The following NOL9 variants were observed in gnomAD, a reference collection of about 807,000 sequenced individuals.
NOL9 encodes nucleolar protein 9, also known as polynucleotide 5'-hydroxyl-kinase NOL9.
Under a neutral mutation model 67.9 loss-of-function variants are expected in NOL9, and 28 were observed. The ratio of observed to expected loss-of-function variants is 0.41; its 90% CI spans 0.31 to 0.57. The LOEUF is 0.57. NOL9 is among the 20% of genes least tolerant of loss of function. The pLI is 0.25. For missense variants in NOL9, 777 were observed against 897.0 expected, an observed-to-expected ratio of 0.87 and a Z score of 1.71; for synonymous variants, 356 against 352.2, an observed-to-expected ratio of 1.01 and a Z score of -0.12.
At chr1:6,538,577 C>T (rs1046792141) in intron 6 of NOL9, among the ~76,000 whole-genome samples, 1 of 152,052 alleles carries the variant, frequency 6.6e-6, no homozygotes, top group Non-Finnish European at 1.5e-5. Context: ...GAGGCTGAGG[C>T]AGGAGAATCA....
Position 6,538,849 on chromosome 1 carries a change from G to A in NOL9, c.1075+2981C>T, listed in dbSNP as rs369649814. ...AATACAAAAATTAGCCAGGCGTGGT[G>A]TAGTTCCAGCTACTTGGGAGGCTGA... On this transcript the variant is annotated intron_variant, in intron 6 of 11. Transcript: ENST00000377705. 3.7e-4 allele frequency among the ~76,000 whole-genome samples: 56 copies of A among 151,512 alleles called. No individual in the cohort carries two copies. In the East Asian group the frequency reaches 9.4e-3, roughly 25 times the overall value.
chr1:6,535,652 C>T (rs1036147641), intron 6 of NOL9, among the ~76,000 whole-genome samples: 12 of 152,204 alleles, frequency 7.9e-5, no homozygotes, highest in Non-Finnish European at 1.3e-4. Flanking sequence ...GTCAGCTGGG[C>T]ATGGTGGCTT....
intron 6 of NOL9, among the ~76,000 whole-genome samples, chr1:6,537,467 A>G (rs1043091459): frequency 6.6e-6 from 1 of 152,238 alleles, no homozygotes; most frequent in Non-Finnish European, 1.5e-5. Flanking sequence ...TCTGTAAATC[A>G]TCCATCTGAT....
chr1:6,552,191 C>T (rs1490903311), intron 1 of NOL9, among the ~76,000 whole-genome samples: 1 of 152,138 alleles, frequency 6.6e-6, no homozygotes, highest in African/African-American at 2.4e-5. Context: ...GGGCTTAATA[C>T]ATAGGTGATG....
chr1:6,535,948 G>A (rs10864614), intron 6 of NOL9, among the ~76,000 whole-genome samples: 120,916 of 149,786 alleles, frequency 0.81, 49,680 homozygotes, highest in Non-Finnish European at 0.87. Context: ...AAAAAAGTTG[G>A]AGGTATCACA....
At chr1:6,541,775 T>A (rs1639297167) in intron 6 of NOL9, 55 bp downstream of exon 6, 1 of 1,075,078 alleles carries the variant, frequency 9.3e-7, no homozygotes, top group East Asian at 2.5e-5. Flanking sequence ...TTTGTTAGCA[T>A]CATCACATAT....
chr1:6,533,481 G>A (rs1163117145), intron 6 of NOL9, 40 bp from the exon 7 acceptor site: 1 of 1,481,596 alleles, frequency 6.7e-7, no homozygotes, highest in Admixed American at 2.0e-5. Flanking sequence ...AGTAAGGTGA[G>A]TGATCAATCC....
Position 6,525,816 on chromosome 1 carries a change from T to A in NOL9, c.*38A>T. 6.2e-7 allele frequency: 1 copy of A among 1,610,598 alleles called. No homozygotes were observed. The highest frequency in any genetic ancestry group is 8.5e-7 in the Non-Finnish European group (1 of 1,177,374). On this transcript the variant is annotated 3_prime_UTR_variant, in exon 12 of 12. Transcript: ENST00000377705. The stretch of plus-strand genomic sequence containing the variant: ...TGGTCAGGCTTGAGACAAAGCTTTC[T>A]GGTAGGAAAGTTTCTTCCCTTATTA...
intron 6 of NOL9, among the ~76,000 whole-genome samples, chr1:6,534,192 C>A (rs1166757900): frequency 6.6e-6 from 1 of 152,176 alleles, no homozygotes. Flanking sequence ...CAGCCAAGAG[C>A]CTCTAATTTT....
At chr1:6,549,988 C>A (rs1639507694) in intron 2 of NOL9, among the ~76,000 whole-genome samples, 1 of 152,136 alleles carries the variant, frequency 6.6e-6, no homozygotes, top group South Asian at 2.1e-4. Flanking sequence ...TATATAGATA[C>A]CACAACGTCC....
intron 6 of NOL9, among the ~76,000 whole-genome samples, chr1:6,534,910 T>TAA (rs1183216621): frequency 6.6e-6 from 1 of 152,114 alleles, no homozygotes; most frequent in African/African-American, 2.4e-5. Flanking sequence ...TTCAGGTGAT[T>TAA]CTCCTGCCTC....
intron 1 of NOL9, among the ~76,000 whole-genome samples, chr1:6,552,845 T>G (rs12036631): frequency 1.3e-5 from 2 of 151,662 alleles, no homozygotes; most frequent in Admixed American, 6.6e-5. Context: ...GGAGTCTCAC[T>G]CTGTCGCCCA....
At position 6,554,425 on chromosome 1, in the gene NOL9, C is replaced by G. The variant is rs1007615825; in HGVS notation, c.78G>C (p.Gln26His). Residue 26 changes from glutamine to histidine, a missense_variant, in exon 1 of 12, where the codon CAG becomes CAC. This residue lies in a region of NOL9 where 364 missense variants were observed against 344.4 expected (regional missense o/e 1.06). Coordinates refer to ENST00000377705, the MANE Select transcript of NOL9 (RefSeq NM_024654.5). ...GGCGGGGCCGGCGGCTGAGGATGAG[C>G]TGGGGCCGGGCCTTGCGGACCCGCA... The part of the protein sequence containing the change: ...TWLRVRKARP[Q>H]LILSRRPRRR... 6.5e-7 allele frequency: 1 copy of G among 1,540,946 alleles called. No homozygotes were observed. Among genetic ancestry groups the G allele is most frequent in the Non-Finnish European group, 8.6e-7 (1 of 1,156,320 alleles).
intron 3 of NOL9, among the ~76,000 whole-genome samples, chr1:6,546,114 C>G (rs542550318): frequency 2.0e-5 from 3 of 149,684 alleles, no homozygotes; most frequent in Admixed American, 1.3e-4. Context: ...ATTAGATAAT[C>G]AAGTTTACTA....
rs190035402 is a variant in NOL9 at position 6,526,930 on chromosome 1, T to C, written c.1826-101A>G. 2.4e-5 allele frequency: 33 copies of C among 1,395,890 alleles called. 1 individual carries two copies. In the Admixed American group the frequency reaches 7.8e-4, roughly 33 times the overall value. The allele number at this position is 1,395,890 out of a possible 1,614,324, so 86.5% of individuals were successfully genotyped here. A position where few individuals can be genotyped will look rare whatever the true frequency, so the allele number is the denominator to read the frequency against. ...ATGGTTTTGAACATAAGTCTTTATATCAACTCTGTTTTGTTTTGAAAATAC... is the reference window on the plus strand; with the variant it reads ...ATGGTTTTGAACATAAGTCTTTATACCAACTCTGTTTTGTTTTGAAAATAC... On this transcript the variant is annotated intron_variant, in intron 10 of 11. Coordinates refer to ENST00000377705, the MANE Select transcript of NOL9 (RefSeq NM_024654.5).
rs774058551 is a variant in NOL9 at position 6,529,013 on chromosome 1, G to A, written c.1806C>T (p.Ile602=). 7 of 1,614,012 alleles carry A rather than the reference G, an allele frequency of 4.3e-6. No homozygotes were observed. The highest frequency in any genetic ancestry group is 2.5e-6 in the Non-Finnish European group (3 of 1,180,032). ...NGPILLAQTP[I]CDCLGFGICR... ...ACTCACCAAAGCCCAAGCAGTCACAGATTGGAGTCTGGGCAAGCAGGATGG... is the reference window on the plus strand; with the variant it reads ...ACTCACCAAAGCCCAAGCAGTCACAAATTGGAGTCTGGGCAAGCAGGATGG... The change falls in exon 10 of 12, where the codon ATC becomes ATT. Residue 602 remains isoleucine, a synonymous_variant. Transcript: ENST00000377705.
At chr1:6,549,890 T>C (rs565628626) in intron 2 of NOL9, among the ~76,000 whole-genome samples, 192 bp from the exon 3 acceptor site, 64 of 152,184 alleles carry the variant, frequency 4.2e-4, no homozygotes, top group Admixed American at 2.0e-3. Context: ...GTTTGCCACA[T>C]AATAATTCTG....
rs779445569 is a variant in NOL9, at chr1:6,526,799, C to T, written c.1856G>A (p.Arg619Gln). The T allele has an allele frequency of 1.2e-4, 195 of 1,612,696 alleles. 1 individual carries two copies. Among genetic ancestry groups the T allele is most frequent in the Non-Finnish European group, 1.4e-4 (171 of 1,179,366 alleles). The part of the protein sequence containing the change: ...GICRGIDMEK[R>Q]LYHILTPVPP... ...CACAGGGGTGAGGATGTGGTACAGC[C>T]GCTTCTCCATGTCAATGCCTCTACA... Residue 619 changes from arginine (R) to glutamine (Q), a missense_variant, in exon 11 of 12, where the codon CGG becomes CAG. This residue lies in a region of NOL9 where 413 missense variants were observed against 552.6 expected (regional missense o/e 0.75). Coordinates refer to ENST00000377705, the MANE Select transcript of NOL9 (RefSeq NM_024654.5).
At chr1:6,542,841 C>T (rs1259035407) in intron 5 of NOL9, among the ~76,000 whole-genome samples, 3 of 152,180 alleles carry the variant, frequency 2.0e-5, no homozygotes, top group Admixed American at 6.5e-5. Flanking sequence ...ATCCACCTGC[C>T]TCGGCCTCCC....
Sources: gnomAD v4.1 joint callset for allele counts (sites outside exome capture counted in the v4.1 genomes callset) on GRCh38, gnomAD v4.1.1 for gene constraint, gnomAD v4.1.1 regional missense constraint, MANE v1.5 for transcripts, NCBI Gene and HGNC (gene_info 2026-07-23, HGNC 2026-07-21) for gene names.